The following BANF2 variants were observed in gnomAD, a reference collection of about 807,000 sequenced individuals.
BANF2 encodes barrier-to-autointegration factor-like protein.
A neutral mutation model predicts 8.0 loss-of-function variants in BANF2; 4 were observed. The ratio of observed to expected loss-of-function variants is 0.50; its 90% CI spans 0.25 to 1.14. The LOEUF is 1.14. Ranked by LOEUF, BANF2 falls within the 50% of genes most tolerant of loss-of-function variation. BANF2 has a pLI of 0.16. For missense variants in BANF2, 96 were observed against 107.5 expected (o/e 0.89, Z 0.47); for synonymous variants, 50 against 40.6 (o/e 1.23, Z -0.88).
chr20:17,707,772 G>C (rs1274682465), intron 1 of BANF2, among the ~76,000 whole-genome samples: 1 of 151,636 alleles, frequency 6.6e-6, no homozygotes, highest in African/African-American at 2.4e-5. Flanking sequence ...TAGAGACGAA[G>C]TTTCACCATG....
At chr20:17,696,536 A>G (rs908527819), upstream of BANF2, among the ~76,000 whole-genome samples, 7 of 152,136 alleles carry the variant, frequency 4.6e-5, no homozygotes. Flanking sequence ...TTTAATTTGC[A>G]TTTACCTTAT....
intron 2 of BANF2, among the ~76,000 whole-genome samples, chr20:17,723,514 T>G (rs1363466200): frequency 6.6e-6 from 1 of 152,250 alleles, no homozygotes; most frequent in Non-Finnish European, 1.5e-5. Context: ...TGGTAGCATG[T>G]GCTAATAACA....
At chr20:17,718,356 C>A (rs1457350176) in intron 1 of BANF2, among the ~76,000 whole-genome samples, 1 of 152,062 alleles carries the variant, frequency 6.6e-6, no homozygotes, top group African/African-American at 2.4e-5. Flanking sequence ...AGGCGCCCAC[C>A]ACCATGCCTG....
chr20:17,716,841 CA>C (rs36007590), intron 1 of BANF2, among the ~76,000 whole-genome samples: 1,270 of 89,860 alleles, frequency 0.014, 8 homozygotes, highest in African/African-American at 0.043. Flanking sequence ...GACTCCATCT[CA>C]AAAAAAAAAA....
chr20:17,732,055 G>C (rs2122655238), intron 3 of BANF2, among the ~76,000 whole-genome samples: 1 of 147,722 alleles, frequency 6.8e-6, no homozygotes, highest in Middle Eastern at 3.4e-3. Flanking sequence ...AACAGAGGGA[G>C]ACGTCGTCAA....
intron 3 of BANF2, among the ~76,000 whole-genome samples, chr20:17,728,223 G>T (rs933285825): frequency 6.6e-6 from 1 of 152,124 alleles, no homozygotes; most frequent in African/African-American, 2.4e-5. Flanking sequence ...CTTGGGTTCC[G>T]CCCTTGCTTG....
At chr20:17,711,841 C>T (rs1002772119) in intron 1 of BANF2, among the ~76,000 whole-genome samples, 7 of 152,162 alleles carry the variant, frequency 4.6e-5, no homozygotes, top group Non-Finnish European at 8.8e-5. Flanking sequence ...AGGAGACCTG[C>T]GCATGGCACC....
At chr20:17,697,922 C>T (rs1478154409), upstream of BANF2, among the ~76,000 whole-genome samples, 4 of 151,694 alleles carry the variant, frequency 2.6e-5, no homozygotes, top group Non-Finnish European at 4.4e-5. Flanking sequence ...GTGTGGTACC[C>T]GGCCGGGTAC....
intron 2 of BANF2, among the ~76,000 whole-genome samples, chr20:17,724,101 G>A (rs529868505): frequency 1.3e-5 from 2 of 152,282 alleles, no homozygotes; most frequent in South Asian, 2.1e-4. Context: ...ATGATATTTC[G>A]AGATCTTCCA....
At chr20:17,723,364 A>G (rs1299673694) in intron 2 of BANF2, among the ~76,000 whole-genome samples, 1 of 152,240 alleles carries the variant, frequency 6.6e-6, no homozygotes, top group African/African-American at 2.4e-5. Flanking sequence ...TGCAAAGGCA[A>G]TGCTGCAGCC....
intron 3 of BANF2, among the ~76,000 whole-genome samples, chr20:17,725,670 C>T (rs904576571): frequency 7.2e-5 from 11 of 152,226 alleles, no homozygotes; most frequent in Admixed American, 3.9e-4. Flanking sequence ...TTCTTTTCTA[C>T]GTCATTGTTT....
chr20:17,735,109 G>GAAAGA (rs1336062834), intron 3 of BANF2, among the ~76,000 whole-genome samples: 2 of 151,926 alleles, frequency 1.3e-5, no homozygotes, highest in African/African-American at 4.8e-5. Context: ...ACAAATAAAA[G>GAAAGA]AAAGAAAAGA....
intron 1 of BANF2, among the ~76,000 whole-genome samples, chr20:17,705,426 C>A (rs937625940): frequency 2.6e-5 from 4 of 152,148 alleles, no homozygotes; most frequent in African/African-American, 9.7e-5. Flanking sequence ...CAGGGGCTGT[C>A]GAATTAAAGA....
intron 1 of BANF2, among the ~76,000 whole-genome samples, chr20:17,701,406 C>T (rs918480157): frequency 1.3e-5 from 2 of 152,180 alleles, no homozygotes; most frequent in African/African-American, 4.8e-5. Context: ...CTGTTCTGTG[C>T]TGGTGCCACG....
At chr20:17,719,627 A>G (rs1348209084) in intron 1 of BANF2, among the ~76,000 whole-genome samples, 4 of 150,748 alleles carry the variant, frequency 2.7e-5, no homozygotes, top group Non-Finnish European at 5.9e-5. Context: ...GCTTTGATCT[A>G]TTTTATGTAA....
At chr20:17,713,041 A>G (rs111589448) in intron 1 of BANF2, among the ~76,000 whole-genome samples, 5 of 152,126 alleles carry the variant, frequency 3.3e-5, no homozygotes, top group African/African-American at 9.7e-5. Flanking sequence ...TGAGGCCAGG[A>G]GTTCAAGACC....
At chr20:17,725,290 C>A in intron 3 of BANF2, 139 bp downstream of exon 3, 2 of 1,093,862 alleles carry the variant, frequency 1.8e-6, no homozygotes, top group Non-Finnish European at 2.6e-6. Context: ...GTGCCACATG[C>A]TTTCGTGCTA....
intron 1 of BANF2, among the ~76,000 whole-genome samples, chr20:17,703,683 C>G (rs575494256): frequency 6.6e-6 from 1 of 151,292 alleles, no homozygotes; most frequent in Admixed American, 6.6e-5. Flanking sequence ...AGAAACATCT[C>G]TATGCGGTTT....
At chr20:17,714,538 G>C (rs972307571) in intron 1 of BANF2, among the ~76,000 whole-genome samples, 6 of 152,214 alleles carry the variant, frequency 3.9e-5, no homozygotes, top group African/African-American at 1.4e-4. Context: ...GAAGGTGGAG[G>C]CTGCACAAGC....
Sources: gnomAD v4.1 joint callset for allele counts (sites outside exome capture counted in the v4.1 genomes callset) on GRCh38, gnomAD v4.1.1 for gene constraint, MANE v1.5 for transcripts, NCBI Gene and HGNC (gene_info 2026-07-23, HGNC 2026-07-21) for gene names.